Variants in PARD6G observed in about 807,000 individuals in gnomAD.
PARD6G encodes partitioning defective 6 homolog gamma.
In PARD6G, 7 loss-of-function variants were observed where a neutral mutation model predicts 10.7. The observed-to-expected ratio is 0.66, with a 90% confidence interval of 0.37 to 1.23. The LOEUF is 1.23. Ranked by LOEUF, PARD6G falls within the 50% of genes most tolerant of loss-of-function variation. The pLI is 0.02. For synonymous variants in PARD6G, 287 were observed against 269.4 expected (o/e 1.07, Z -0.64); for missense variants, 548 against 571.8 (o/e 0.96, Z 0.42).
intron 2 of PARD6G, among the ~76,000 whole-genome samples, chr18:80,196,963 A>G (rs1171863456): frequency 1.3e-5 from 2 of 151,208 alleles, no homozygotes; most frequent in Non-Finnish European, 2.9e-5. Context: ...GTGGCAATTA[A>G]AGCAGCAAAC....
At chr18:80,203,185 C>T (rs1967025365) in intron 1 of PARD6G, among the ~76,000 whole-genome samples, 1 of 152,108 alleles carries the variant, frequency 6.6e-6, no homozygotes, top group South Asian at 2.1e-4. Context: ...ACTGCTGGAT[C>T]CAATGGTAAC....
rs1014269417 is a variant in PARD6G, at chr18:80,201,530, C to T, written c.295+1180G>A. ...GGAAGTGACAGCTGTGTTGACTTCT[C>T]AGCACCGTCAGCAGGATACCCAGGC... On this transcript the variant is annotated intron_variant, in intron 2 of 2. Coordinates refer to ENST00000353265, the MANE Select transcript of PARD6G (RefSeq NM_032510.4). The surrounding 1 kb of genome is among the most constrained non-coding windows in gnomAD (Gnocchi z 5.9). Among the ~76,000 whole-genome samples, 1 of 152,194 alleles carries T rather than the reference C, an allele frequency of 6.6e-6. No individual in the cohort carries two copies. The highest frequency in any genetic ancestry group is 6.5e-5 in the Admixed American group (1 of 15,282).
intron 1 of PARD6G, among the ~76,000 whole-genome samples, chr18:80,233,170 C>T (rs927164369): frequency 2.0e-5 from 3 of 152,254 alleles, no homozygotes; most frequent in African/African-American, 7.2e-5. Context: ...CATGCAGACA[C>T]ACAGTGTCAC....
At chr18:80,197,825 A>G (rs1265047864) in intron 2 of PARD6G, among the ~76,000 whole-genome samples, 1 of 152,240 alleles carries the variant, frequency 6.6e-6, no homozygotes, top group Non-Finnish European at 1.5e-5. Context: ...TTGGGGAGGC[A>G]GGGGAACAGA....
At chr18:80,215,686 CAG>C (rs1274014699) in intron 1 of PARD6G, among the ~76,000 whole-genome samples, 1 of 151,802 alleles carries the variant, frequency 6.6e-6, no homozygotes, top group Non-Finnish European at 1.5e-5. Context: ...AAATATTTAA[CAG>C]AAAAGAAAGC....
intron 1 of PARD6G, among the ~76,000 whole-genome samples, chr18:80,235,959 C>A (rs1967417072): frequency 6.6e-6 from 1 of 152,138 alleles, no homozygotes; most frequent in Non-Finnish European, 1.5e-5. Context: ...TGAAACTATT[C>A]CAATCAATAG....
At chr18:80,242,730 A>G (rs1967504177) in intron 1 of PARD6G, among the ~76,000 whole-genome samples, 1 of 152,248 alleles carries the variant, frequency 6.6e-6, no homozygotes, top group Non-Finnish European at 1.5e-5. Context: ...ACTAACAGAG[A>G]AAAAGGATTC....
chr18:80,192,844 G>A lies in PARD6G; in HGVS notation c.295+9866C>T, dbSNP rs1179607715. ...GCCGGCCGTGGGAGCTGGGCTGTCA[G>A]TCCTCCCCTCACTCCTGTGTGGAGG... On this transcript the variant is annotated intron_variant, in intron 2 of 2. Transcript: ENST00000353265. The surrounding 1 kb of genome is among the most constrained non-coding windows in gnomAD (Gnocchi z 4.9). Among the ~76,000 whole-genome samples, 1 of 152,124 alleles carries A rather than the reference G, an allele frequency of 6.6e-6. No homozygotes were observed. The highest frequency in any genetic ancestry group is 1.5e-5 in the Non-Finnish European group (1 of 68,024).
chr18:80,246,647 G>T lies in PARD6G; in HGVS notation c.72+630C>A, dbSNP rs1967552575. ...CGCGCCCGTGGGGGTGGGGTGGGGT[G>T]TCTGGCCCGGGGACGCGCCCGGGGA... On this transcript the variant is annotated intron_variant, in intron 1 of 2. Transcript: ENST00000353265. The surrounding 1 kb of genome is among the most constrained non-coding windows in gnomAD (Gnocchi z 6.7). Among the ~76,000 whole-genome samples, 1 of 148,354 alleles carries T rather than the reference G, an allele frequency of 6.7e-6. No homozygotes were observed. The highest frequency in any genetic ancestry group is 1.5e-5 in the Non-Finnish European group (1 of 66,512).
rs531047143 is a variant in PARD6G, at chr18:80,189,904, A to G, written c.295+12806T>C. On this transcript the variant is annotated intron_variant, in intron 2 of 2. Coordinates refer to ENST00000353265, the MANE Select transcript of PARD6G (RefSeq NM_032510.4). This position sits in a 1 kb window ranked among gnomAD's most constrained non-coding sequence, Gnocchi z 5.5. ...ATGTAGGATATGATTTATCTACCAA[A>G]GAGCTCATTCTCTTAAAGTGTACAA... is the stretch of plus-strand genomic sequence containing the variant. 6.6e-6 allele frequency among the ~76,000 whole-genome samples: 1 copy of G among 152,354 alleles called. No individual in the cohort carries two copies. The highest frequency in any genetic ancestry group is 6.5e-5 in the Admixed American group (1 of 15,308).
At chr18:80,186,672 G>A (rs555941172) in intron 2 of PARD6G, among the ~76,000 whole-genome samples, 3 of 152,142 alleles carry the variant, frequency 2.0e-5, no homozygotes, top group Non-Finnish European at 2.9e-5. Flanking sequence ...ATAATCACAC[G>A]TGATACGCAA....
chr18:80,195,433 G>C (rs1966942291), intron 2 of PARD6G, among the ~76,000 whole-genome samples: 1 of 151,496 alleles, frequency 6.6e-6, no homozygotes, highest in Middle Eastern at 3.4e-3. Context: ...CGGCAGGAAA[G>C]CAGCCTCCCC....
At chr18:80,214,338 C>T (rs1459763901) in intron 1 of PARD6G, among the ~76,000 whole-genome samples, 6 of 151,216 alleles carry the variant, frequency 4.0e-5, no homozygotes, top group Non-Finnish European at 7.4e-5. Flanking sequence ...GGGGGGTGAG[C>T]GCCTGTAGTC....
chr18:80,218,279 A>G (rs1397804063), intron 1 of PARD6G, among the ~76,000 whole-genome samples: 2 of 152,138 alleles, frequency 1.3e-5, no homozygotes, highest in African/African-American at 2.4e-5. Context: ...ATGAGCCTGT[A>G]AAATCAAAAG....
intron 1 of PARD6G, among the ~76,000 whole-genome samples, chr18:80,204,770 G>A (rs1365754644): frequency 6.6e-6 from 1 of 151,862 alleles, no homozygotes; most frequent in Non-Finnish European, 1.5e-5. Flanking sequence ...CCAACATGGT[G>A]AAACCCCATC....
intron 2 of PARD6G, among the ~76,000 whole-genome samples, chr18:80,167,897 T>C (rs1193840276): frequency 1.3e-5 from 2 of 152,116 alleles, no homozygotes; most frequent in African/African-American, 4.8e-5. Flanking sequence ...AGGAGGTTGA[T>C]GAGCTAAGTA....
intron 1 of PARD6G, among the ~76,000 whole-genome samples, chr18:80,227,948 G>A (rs1048385775): frequency 6.6e-5 from 10 of 152,226 alleles, no homozygotes; most frequent in South Asian, 2.1e-4. Context: ...GTTCTCTTGC[G>A]TGGCCGTGTC....
At chr18:80,233,433 T>G (rs894726010) in intron 1 of PARD6G, among the ~76,000 whole-genome samples, 3 of 152,140 alleles carry the variant, frequency 2.0e-5, no homozygotes, top group African/African-American at 7.2e-5. Flanking sequence ...CTGCAGGCCA[T>G]GGGGGTCAGT....
intron 2 of PARD6G, among the ~76,000 whole-genome samples, chr18:80,177,404 C>A (rs1347338450): frequency 3.4e-5 from 5 of 148,138 alleles, no homozygotes; most frequent in Non-Finnish European, 7.4e-5. Flanking sequence ...AAATGGGAAG[C>A]ATACACACAC....
Sources: allele counts gnomAD v4.1 joint callset (sites outside exome capture counted in the v4.1 genomes callset), GRCh38; gene constraint gnomAD v4.1.1; non-coding constraint Gnocchi (gnomAD v3.1); transcripts MANE v1.5; gene names NCBI Gene and HGNC (gene_info 2026-07-23, HGNC 2026-07-21).